The following GDI2 variants were observed in gnomAD, a reference collection of about 807,000 sequenced individuals.
The protein encoded by GDI2 is rab GDP dissociation inhibitor beta.
A neutral mutation model predicts 54.2 loss-of-function variants in GDI2; 22 were observed. The ratio of observed to expected loss-of-function variants is 0.41; its 90% CI spans 0.29 to 0.58. GDI2 has a LOEUF of 0.58. Among genes scored for constraint, GDI2 ranks in the 20% least tolerant of loss-of-function variants. The probability of loss-of-function intolerance (pLI) is 0.35; values close to 1 mark genes in which losing one functional copy is unlikely to be tolerated. For missense variants in GDI2, 422 were observed against 546.0 expected, an observed-to-expected ratio of 0.77 and a Z score of 2.26; for synonymous variants, 177 against 182.1, an observed-to-expected ratio of 0.97 and a Z score of 0.23.
At position 5,765,378 on chromosome 10, in the gene GDI2, C is replaced by T. The variant is rs563695820; in HGVS notation, c.*628G>A. On this transcript the variant is annotated 3_prime_UTR_variant, in exon 11 of 11. Transcript: ENST00000380191. ...CAAAAGATGCACTACACTTGACCCG[C>T]TTTATGTTCGCTTCCTCTCCCCTTC... is the stretch of plus-strand genomic sequence containing the variant. The T allele has an allele frequency of 6.5e-6, 1 of 152,880 alleles. No homozygotes were observed. Among genetic ancestry groups the T allele is most frequent in the South Asian group, 2.1e-4 (1 of 4,830 alleles). 9.5% of individuals were successfully genotyped at this position (152,880 alleles called of 1,614,324 possible).
intron 7 of GDI2, among the ~76,000 whole-genome samples, chr10:5,771,802 T>C (rs1176180269): frequency 2.6e-5 from 4 of 152,092 alleles, no homozygotes; most frequent in Non-Finnish European, 5.9e-5. Flanking sequence ...ATTAAAACAT[T>C]TATCCCTGGC....
intron 1 of GDI2, among the ~76,000 whole-genome samples, chr10:5,812,898 C>T (rs1588994430): frequency 1.3e-5 from 2 of 152,230 alleles, no homozygotes; most frequent in East Asian, 3.9e-4. Context: ...ACCCTTGGCC[C>T]GGGCGGCCTT....
At position 5,766,228 on chromosome 10, in the gene GDI2, C is replaced by T; in HGVS notation, c.1191+13G>A. The T allele has an allele frequency of 2.5e-6, 4 of 1,612,342 alleles. No homozygotes were observed. Among genetic ancestry groups the T allele is most frequent in the South Asian group, 2.2e-5 (2 of 91,044 alleles). On this transcript the variant is annotated intron_variant, in intron 10 of 10. Transcript: ENST00000380191. The surrounding 1 kb of genome is among the most constrained non-coding windows in gnomAD (Gnocchi z 5.8). ...TGAAACCTGCCCATATCCTTTCACA[C>T]TTCCATACTCACCTGGCTTTCTGTT... is the stretch of plus-strand genomic sequence containing the variant.
chr10:5,779,556 A>G (rs566802539), intron 6 of GDI2, among the ~76,000 whole-genome samples: 68 of 151,884 alleles, frequency 4.5e-4, no homozygotes, highest in African/African-American at 1.5e-3. Flanking sequence ...AGATCTAGAC[A>G]GTATAAAAAA....
intron 4 of GDI2, among the ~76,000 whole-genome samples, chr10:5,792,859 A>G (rs1405214703): frequency 2.6e-5 from 4 of 151,754 alleles, no homozygotes; most frequent in Admixed American, 1.3e-4. Flanking sequence ...TAAAACTGCC[A>G]AACGATAATT....
At chr10:5,778,615 T>A (rs1469576893) in intron 6 of GDI2, among the ~76,000 whole-genome samples, 8 of 145,686 alleles carry the variant, frequency 5.5e-5, no homozygotes, top group African/African-American at 1.9e-4. Flanking sequence ...CCAGTTTACA[T>A]AATTAATAAG....
At chr10:5,786,164 A>ATTT (rs1840871267) in intron 4 of GDI2, 114 bp from the exon 5 acceptor site, 2 of 450,436 alleles carry the variant, frequency 4.4e-6, no homozygotes, top group Non-Finnish European at 3.7e-6. Context: ...TGCAGGATGC[A>ATTT]ATTTTTTTTT....
At chr10:5,767,203 A>C (rs1025965592) in intron 8 of GDI2, among the ~76,000 whole-genome samples, 2 of 152,132 alleles carry the variant, frequency 1.3e-5, no homozygotes, top group Admixed American at 6.5e-5. Context: ...CAAAAAAAAA[A>C]AACTCTGGGA....
At position 5,776,697 on chromosome 10, in the gene GDI2, C is replaced by T; in HGVS notation, c.720-2756G>A. On this transcript the variant is annotated intron_variant, in intron 6 of 10. Coordinates refer to ENST00000380191, the MANE Select transcript of GDI2 (RefSeq NM_001494.4). This position sits in a 1 kb window ranked among gnomAD's most constrained non-coding sequence, Gnocchi z 5.3. ...AAGTCAGAGTTATGGAGCTTGCCGCCACATTCAGAAACTGCTACAGCCTCT... is the reference window on the plus strand; with the variant it reads ...AAGTCAGAGTTATGGAGCTTGCCGCTACATTCAGAAACTGCTACAGCCTCT... 1 of 1,463,344 alleles carries T rather than the reference C, an allele frequency of 6.8e-7. No individual in the cohort carries two copies. Among genetic ancestry groups the T allele is most frequent in the Non-Finnish European group, 9.5e-7 (1 of 1,050,938 alleles). 90.6% of individuals were successfully genotyped at this position (1,463,344 alleles called of 1,614,324 possible).
chr10:5,810,563 G>C (rs917061547), intron 1 of GDI2, among the ~76,000 whole-genome samples: 1 of 152,208 alleles, frequency 6.6e-6, no homozygotes, highest in African/African-American at 2.4e-5. Flanking sequence ...GGGGGCAAAA[G>C]TTCCTACAAA....
chr10:5,800,877 G>A (rs1361160352), intron 1 of GDI2, among the ~76,000 whole-genome samples, 172 bp from the exon 2 acceptor site: 2 of 152,118 alleles, frequency 1.3e-5, no homozygotes, highest in African/African-American at 2.4e-5. Context: ...GGTGTGGTCT[G>A]TGGGCTCCTA....
At chr10:5,806,285 T>A (rs1841378503) in intron 1 of GDI2, among the ~76,000 whole-genome samples, 1 of 151,994 alleles carries the variant, frequency 6.6e-6, no homozygotes. Flanking sequence ...AGTTGATTAA[T>A]GATTAGGGAC....
chr10:5,786,195 G>C (rs866330902), intron 4 of GDI2, 145 bp from the exon 5 acceptor site: 2 of 543,220 alleles, frequency 3.7e-6, no homozygotes, highest in South Asian at 2.1e-5. Flanking sequence ...TTTTGAGACA[G>C]AGTCTTGCTC....
At chr10:5,785,111 G>T in intron 6 of GDI2, 31 bp downstream of exon 6, 2 of 1,515,874 alleles carry the variant, frequency 1.3e-6, no homozygotes, top group South Asian at 1.3e-5. Flanking sequence ...TGAGGTTTTG[G>T]ATCACTGAGG....
intron 1 of GDI2, 77 bp downstream of exon 1, chr10:5,813,137 G>A: frequency 1.2e-6 from 1 of 866,916 alleles, no homozygotes; most frequent in Non-Finnish European, 1.7e-6. Context: ...GAGGAGCTGC[G>A]ACCCGCGGGC....
At chr10:5,770,989 A>G (rs1202407543) in intron 7 of GDI2, among the ~76,000 whole-genome samples, 2 of 137,794 alleles carry the variant, frequency 1.5e-5, no homozygotes, top group African/African-American at 2.7e-5. Flanking sequence ...AAAAAAAAAG[A>G]TGGTAAATTT....
chr10:5,802,003 G>A (rs756422382), intron 1 of GDI2, among the ~76,000 whole-genome samples: 3 of 151,958 alleles, frequency 2.0e-5, no homozygotes, highest in Non-Finnish European at 4.4e-5. Flanking sequence ...GCAAGACTGA[G>A]TAGCAAAAAG....
rs760383437 is a variant in GDI2, at chr10:5,768,436, C to A, written c.820-52G>T. The A allele has an allele frequency of 1.1e-5, 13 of 1,145,324 alleles. No homozygotes were observed. In the Admixed American group the frequency reaches 2.2e-4, roughly 20 times the overall value. The allele number at this position is 1,145,324 out of a possible 1,614,324, so 70.9% of individuals were successfully genotyped here. On this transcript the variant is annotated intron_variant, in intron 7 of 10. Coordinates refer to ENST00000380191, the MANE Select transcript of GDI2 (RefSeq NM_001494.4). This position sits in a 1 kb window ranked among gnomAD's most constrained non-coding sequence, Gnocchi z 4.4. ...TGAAGCGGACAAGGATATAGGGAAA[C>A]ACATCCCATGTTCATAGTTTGGAAG... is the stretch of plus-strand genomic sequence containing the variant.
chr10:5,789,449 G>A lies in GDI2; in HGVS notation c.389-3399C>T, dbSNP rs569217214. Among the ~76,000 whole-genome samples, 12 of 151,704 alleles carry A rather than the reference G, an allele frequency of 7.9e-5. No homozygotes were observed. The East Asian group carries it at 9.7e-4, about 12-fold the overall frequency. ...GGGTCTTGCTATATAAGGATATATC[G>A]TCCAGGCTAGAGGTGCAGTGACTAT... On this transcript the variant is annotated intron_variant, in intron 4 of 10. Transcript: ENST00000380191.
Sources: allele counts gnomAD v4.1 joint callset (sites outside exome capture counted in the v4.1 genomes callset), GRCh38; gene constraint gnomAD v4.1.1; non-coding constraint Gnocchi (gnomAD v3.1); transcripts MANE v1.5; gene names NCBI Gene and HGNC (gene_info 2026-07-23, HGNC 2026-07-21).